Variants in MACROD2 observed in about 807,000 individuals in gnomAD.
MACROD2 encodes the protein ADP-ribose glycohydrolase MACROD2.
In MACROD2, 36 loss-of-function variants were observed where a neutral mutation model predicts 70.4. The ratio of observed to expected loss-of-function variants is 0.51; its 90% confidence interval spans 0.39 to 0.68. The LOEUF is 0.68. Ranked by LOEUF, MACROD2 falls within the 30% of genes least tolerant of loss-of-function variation. The pLI is 0.00. For missense variants in MACROD2, 496 were observed against 538.4 expected, an observed-to-expected ratio of 0.92 and a Z score of 0.78; for synonymous variants, 172 against 178.8, an observed-to-expected ratio of 0.96 and a Z score of 0.30.
chr20:14,243,896 A>G (rs941779449), intron 3 of MACROD2, among the ~76,000 whole-genome samples: 2 of 152,234 alleles, frequency 1.3e-5, no homozygotes, highest in Non-Finnish European at 2.9e-5. Flanking sequence ...AAGTCGTAGC[A>G]GTCAGTTCTA....
intron 8 of MACROD2, among the ~76,000 whole-genome samples, chr20:15,660,183 A>AC (rs1426895810): frequency 2.0e-4 from 31 of 152,210 alleles, no homozygotes; most frequent in Admixed American, 2.0e-3. Flanking sequence ...CAGGCAAGCT[A>AC]CCAAAGTGAT....
At chr20:14,358,235 G>T (rs1243968298) in intron 3 of MACROD2, among the ~76,000 whole-genome samples, 1 of 152,148 alleles carries the variant, frequency 6.6e-6, no homozygotes, top group African/African-American at 2.4e-5. Flanking sequence ...GTAAATAGTG[G>T]ATTGAATGTC....
rs147554808 is a variant in MACROD2 at position 14,657,941 on chromosome 20, T to C, written c.302-26902T>C. On this transcript the variant is annotated intron_variant, in intron 4 of 17. Coordinates refer to ENST00000684519, the MANE Select transcript of MACROD2 (RefSeq NM_001351661.2). ...GTGGCTTAGCATACTGAGCTGTTTT[T>C]CTTTCCTTTTCCAAGACAGTATGGA... 6.6e-3 allele frequency among the ~76,000 whole-genome samples: 999 copies of C among 151,912 alleles called. 6 individuals are homozygous for C. Among genetic ancestry groups the C allele is most frequent in the Non-Finnish European group, 8.1e-3 (553 of 67,984 alleles).
intron 2 of MACROD2, among the ~76,000 whole-genome samples, chr20:14,082,458 T>C (rs2054012160): frequency 6.6e-6 from 1 of 151,572 alleles, no homozygotes; most frequent in Non-Finnish European, 1.5e-5. Context: ...TCCCAAAGTG[T>C]TGGGATTACA....
At chr20:15,015,812 A>G (rs2075116776) in intron 5 of MACROD2, among the ~76,000 whole-genome samples, 2 of 152,244 alleles carry the variant, frequency 1.3e-5, no homozygotes, top group African/African-American at 2.4e-5. Context: ...AAATGATTAT[A>G]GAAAAACATG....
intron 3 of MACROD2, among the ~76,000 whole-genome samples, chr20:14,465,235 T>G (rs1222866910): frequency 2.0e-5 from 3 of 152,108 alleles, no homozygotes; most frequent in African/African-American, 7.3e-5. Context: ...TGGGTACATA[T>G]ATATTTAGGA....
chr20:15,139,456 C>G (rs965708529), intron 5 of MACROD2, among the ~76,000 whole-genome samples: 1 of 152,104 alleles, frequency 6.6e-6, no homozygotes, highest in Non-Finnish European at 1.5e-5. Context: ...GTGTGGTAGA[C>G]AGTTAATCTT....
chr20:15,439,463 TCA>T (rs991041997), intron 7 of MACROD2, among the ~76,000 whole-genome samples: 117 of 152,264 alleles, frequency 7.7e-4, no homozygotes, highest in African/African-American at 2.7e-3. Context: ...AGCATCACAC[TCA>T]CAGTGTGTCT....
intron 2 of MACROD2, among the ~76,000 whole-genome samples, chr20:14,064,621 T>C (rs571675028): frequency 1.3e-5 from 2 of 152,306 alleles, no homozygotes; most frequent in East Asian, 3.9e-4. Context: ...TTTTTCTATC[T>C]CCATTGCCAC....
intron 4 of MACROD2, among the ~76,000 whole-genome samples, chr20:14,510,075 T>A (rs1387805024): frequency 6.6e-6 from 1 of 152,072 alleles, no homozygotes; most frequent in African/African-American, 2.4e-5. Context: ...AACTTAAAAA[T>A]TATTTAAGAC....
chr20:15,477,098 A>AATTT (rs769382441), intron 7 of MACROD2, among the ~76,000 whole-genome samples: 1 of 69,756 alleles, frequency 1.4e-5, no homozygotes, highest in African/African-American at 6.1e-5. Flanking sequence ...CTCTATTTTT[A>AATTT]GTTTTTTTTT....
chr20:14,642,390 G>T (rs1050356358), intron 4 of MACROD2, among the ~76,000 whole-genome samples: 13 of 152,152 alleles, frequency 8.5e-5, no homozygotes, highest in African/African-American at 3.1e-4. Context: ...CACTGGAGTA[G>T]CACTTATAAT....
At chr20:15,122,925 C>T (rs1008757837) in intron 5 of MACROD2, among the ~76,000 whole-genome samples, 11 of 152,124 alleles carry the variant, frequency 7.2e-5, no homozygotes, top group Admixed American at 2.6e-4. Context: ...TATGACCCAC[C>T]TGTTGATACT....
intron 5 of MACROD2, among the ~76,000 whole-genome samples, chr20:14,805,489 T>C (rs940356052): frequency 2.0e-5 from 3 of 152,096 alleles, no homozygotes; most frequent in Non-Finnish European, 4.4e-5. Flanking sequence ...ATATTAAATA[T>C]TGATCACATG....
chr20:15,410,977 A>G (rs1157217754), intron 6 of MACROD2, among the ~76,000 whole-genome samples: 1 of 152,158 alleles, frequency 6.6e-6, no homozygotes, highest in East Asian at 1.9e-4. Flanking sequence ...AGGCAACAAC[A>G]TATCTTGAAC....
At chr20:15,310,805 G>C (rs1016093900) in intron 6 of MACROD2, among the ~76,000 whole-genome samples, 8 of 152,100 alleles carry the variant, frequency 5.3e-5, no homozygotes, top group Non-Finnish European at 1.0e-4. Context: ...ATCGCACTCA[G>C]ATAACAGAAA....
chr20:14,984,937 T>C (rs562952749), intron 5 of MACROD2, among the ~76,000 whole-genome samples: 111 of 152,286 alleles, frequency 7.3e-4, no homozygotes, highest in African/African-American at 2.6e-3. Flanking sequence ...GACAAAGAAG[T>C]GCAGTTCAAG....
chr20:14,838,822 G>A (rs145826468), intron 5 of MACROD2, among the ~76,000 whole-genome samples: 6 of 152,176 alleles, frequency 3.9e-5, no homozygotes, highest in Non-Finnish European at 7.4e-5. Context: ...AAGGGATGGC[G>A]TAGATTAAAT....
In MACROD2 at chr20:15,542,508, A is replaced by T. The variant is rs180682156; in HGVS notation, c.645+42661A>T. 3.3e-5 allele frequency among the ~76,000 whole-genome samples: 5 copies of T among 152,256 alleles called. No homozygotes were observed. In the East Asian group the frequency reaches 9.7e-4, roughly 29 times the overall value. On this transcript the variant is annotated intron_variant, in intron 8 of 17. Transcript: ENST00000684519. The stretch of plus-strand genomic sequence containing the variant: ...ATATTGCAAATGGAGAGGGGCAAAT[A>T]TGGGTGCTTCTGTGATCTGGGAGGG...
Sources: allele counts gnomAD v4.1 joint callset (sites outside exome capture counted in the v4.1 genomes callset), GRCh38; gene constraint gnomAD v4.1.1; transcripts MANE v1.5; gene names NCBI Gene and HGNC (gene_info 2026-07-23, HGNC 2026-07-21).